The following LRRC37A2 variants were observed in gnomAD, a reference collection of about 807,000 sequenced individuals.
LRRC37A2 encodes the protein leucine rich repeat containing 37 member A2.
LRRC37A2 carries 9 observed loss-of-function variants against 68.8 expected under a neutral mutation model. The ratio of observed to expected loss-of-function variants is 0.13; its 90% CI spans 0.08 to 0.23. The LOEUF is 0.23. Among genes scored for constraint, LRRC37A2 ranks in the 10% least tolerant of loss-of-function variants. The pLI is 1.00. For missense variants in LRRC37A2, 168 were observed against 950.4 expected (o/e 0.18, Z 10.82); for synonymous variants, 63 against 367.6 (o/e 0.17, Z 9.48).
chr17:47,026,448 C>T, the LRRC37A2 span, among the ~76,000 whole-genome samples: 1 of 152,214 alleles, frequency 6.6e-6, no homozygotes, highest in Non-Finnish European at 1.5e-5. Flanking sequence ...CAGTTCTGGA[C>T]TCCACCCTCG....
the LRRC37A2 span, among the ~76,000 whole-genome samples, chr17:46,839,975 TCTCTTC>T: frequency 3.1e-3 from 430 of 138,560 alleles, 1 homozygote; most frequent in Non-Finnish European, 4.1e-3. Flanking sequence ...TTTCTTTCTT[TCTCTTC>T]TTTCTTTCTT....
At chr17:46,773,651 C>T in the LRRC37A2 span, 1 of 1,376,150 alleles carries the variant, frequency 7.3e-7, no homozygotes, top group Non-Finnish European at 9.7e-7. Flanking sequence ...CCCCCCCCCT[C>T]AGCCCCAAGG....
At chr17:47,030,733 T>C in the LRRC37A2 span, among the ~76,000 whole-genome samples, 1 of 151,992 alleles carries the variant, frequency 6.6e-6, no homozygotes, top group African/African-American at 2.4e-5. Flanking sequence ...ATTTGGCATA[T>C]GTGACATATA....
At chr17:46,750,139 G>C in the LRRC37A2 span, among the ~76,000 whole-genome samples, 2 of 152,166 alleles carry the variant, frequency 1.3e-5, 1 homozygote, top group South Asian at 4.1e-4. Context: ...GATCACTTGA[G>C]GTCAGGAGTT....
At chr17:46,748,570 T>TATC in the LRRC37A2 span, among the ~76,000 whole-genome samples, 7 of 152,078 alleles carry the variant, frequency 4.6e-5, no homozygotes, top group Admixed American at 4.6e-4. Context: ...GACAGGGGAA[T>TATC]AGATGAGGAA....
chr17:46,713,943 T>C, the LRRC37A2 span: 16 of 1,605,938 alleles, frequency 1.0e-5, no homozygotes, highest in African/African-American at 1.3e-5. Context: ...CCTGATAAAA[T>C]GATTGGCTTT....
At chr17:46,793,254 A>G in the LRRC37A2 span, among the ~76,000 whole-genome samples, 1 of 140,700 alleles carries the variant, frequency 7.1e-6, no homozygotes, top group Admixed American at 7.4e-5. Context: ...AGCCTGGGCA[A>G]CAGAGTGAGA....
the LRRC37A2 span, among the ~76,000 whole-genome samples, chr17:46,771,516 G>A: frequency 1.3e-5 from 2 of 149,152 alleles, no homozygotes; most frequent in Non-Finnish European, 3.0e-5. Flanking sequence ...GGCGGGGCGG[G>A]GATTAGCCTG....
At chr17:46,725,186 T>C in the LRRC37A2 span, among the ~76,000 whole-genome samples, 2 of 152,270 alleles carry the variant, frequency 1.3e-5, no homozygotes, top group African/African-American at 4.8e-5. Flanking sequence ...TATGGCAAGA[T>C]GGAATTGGAA....
the LRRC37A2 span, chr17:46,768,330 G>T: frequency 1.2e-6 from 2 of 1,613,662 alleles, no homozygotes; most frequent in Admixed American, 1.7e-5. This position sits in a 1 kb window ranked among gnomAD's most constrained non-coding sequence, Gnocchi z 5.0. Flanking sequence ...CTACTTGCAG[G>T]TGTGCACGTC....
chr17:46,930,396 C>G, the LRRC37A2 span: 1 of 152,254 alleles, frequency 6.6e-6, no homozygotes, highest in Non-Finnish European at 1.5e-5. Context: ...TCAGCAATCT[C>G]ATTGTTACAT....
the LRRC37A2 span, among the ~76,000 whole-genome samples, chr17:46,972,762 G>A: frequency 3.9e-5 from 6 of 152,136 alleles, no homozygotes; most frequent in Non-Finnish European, 8.8e-5. Flanking sequence ...GAGGCACAGA[G>A]GATGGCAGCA....
the LRRC37A2 span, among the ~76,000 whole-genome samples, chr17:46,887,262 A>C: frequency 1.3e-5 from 2 of 152,200 alleles, no homozygotes; most frequent in Non-Finnish European, 2.9e-5. Context: ...TTTAAAAATT[A>C]AGCCTAAAAA....
chr17:46,873,797 G>A, the LRRC37A2 span, among the ~76,000 whole-genome samples: 10 of 150,400 alleles, frequency 6.6e-5, no homozygotes, highest in Admixed American at 4.6e-4. Context: ...TGTAACCAGC[G>A]TGGTCAAAAT....
chr17:46,684,488 C>G, the LRRC37A2 span, among the ~76,000 whole-genome samples: 1 of 152,040 alleles, frequency 6.6e-6, no homozygotes, highest in African/African-American at 2.4e-5. Context: ...AATGGTATTT[C>G]TGGTTCTGGA....
the LRRC37A2 span, among the ~76,000 whole-genome samples, chr17:46,494,317 A>AT: frequency 6.7e-6 from 1 of 148,442 alleles, no homozygotes; most frequent in African/African-American, 2.6e-5. Context: ...GATTAACCAC[A>AT]TTTTTTCTTT....
At chr17:46,894,122 G>A in the LRRC37A2 span, among the ~76,000 whole-genome samples, 7 of 152,180 alleles carry the variant, frequency 4.6e-5, no homozygotes, top group Non-Finnish European at 7.3e-5. Flanking sequence ...GAAACACCTC[G>A]AACATACAAA....
the LRRC37A2 span, among the ~76,000 whole-genome samples, chr17:46,843,155 T>C: frequency 6.6e-6 from 1 of 152,364 alleles, no homozygotes; most frequent in East Asian, 1.9e-4. Flanking sequence ...CTAGGGTAGA[T>C]ATTAATATCG....
At chr17:47,022,838 A>G in the LRRC37A2 span, among the ~76,000 whole-genome samples, 70 of 152,216 alleles carry the variant, frequency 4.6e-4, no homozygotes, top group Non-Finnish European at 5.6e-4. Context: ...TGTTTAGATT[A>G]TGCTTAGTTT....
Sources: allele counts gnomAD v4.1 joint callset (sites outside exome capture counted in the v4.1 genomes callset), GRCh38; gene constraint gnomAD v4.1.1; non-coding constraint Gnocchi (gnomAD v3.1); transcripts MANE v1.5; gene names NCBI Gene and HGNC (gene_info 2026-07-23, HGNC 2026-07-21).